Variants in DSCAM observed in about 807,000 individuals in gnomAD.
DSCAM encodes the protein DS cell adhesion molecule.
DSCAM carries 47 observed loss-of-function variants against 217.7 expected under a neutral mutation model. The observed-to-expected ratio is 0.22, with a 90% CI of 0.17 to 0.28. The LOEUF (loss-of-function observed/expected upper bound fraction) is 0.28. Among genes scored for constraint, DSCAM ranks in the 10% least tolerant of loss-of-function variants. The pLI is 1.00. For synonymous variants in DSCAM, 1,056 were observed against 1,015.3 expected, an observed-to-expected ratio of 1.04 and a Z score of -0.76; for missense variants, 2,080 against 2,618.3, an observed-to-expected ratio of 0.79 and a Z score of 4.49.
At chr21:40,077,927 G>A (rs904786521) in intron 26 of DSCAM, among the ~76,000 whole-genome samples, 1 of 152,170 alleles carries the variant, frequency 6.6e-6, no homozygotes, top group Non-Finnish European at 1.5e-5. Flanking sequence ...AGTGAGAAAT[G>A]AGCATCAGCC....
chr21:40,256,283 G>A (rs1415499845), intron 11 of DSCAM, among the ~76,000 whole-genome samples: 1 of 152,142 alleles, frequency 6.6e-6, no homozygotes. Context: ...TAGGCTGTGG[G>A]TGCTACAAGG....
At chr21:40,052,260 C>T (rs1006830907) in intron 29 of DSCAM, among the ~76,000 whole-genome samples, 153 bp from the exon 30 acceptor site, 3 of 152,142 alleles carry the variant, frequency 2.0e-5, no homozygotes, top group Non-Finnish European at 4.4e-5. Context: ...AAAATTCAAG[C>T]ACTGAATTAG....
intron 32 of DSCAM, among the ~76,000 whole-genome samples, chr21:40,028,678 G>A (rs952635663): frequency 3.9e-5 from 6 of 152,288 alleles, no homozygotes; most frequent in Admixed American, 6.5e-5. Context: ...TGTGCTTCCC[G>A]AGTGAGGCAA....
At chr21:40,450,527 C>G (rs1205810322) in intron 3 of DSCAM, among the ~76,000 whole-genome samples, 2 of 152,136 alleles carry the variant, frequency 1.3e-5, no homozygotes, top group Non-Finnish European at 2.9e-5. Context: ...GGATAAAGCC[C>G]TTGATTTAGG....
intron 2 of DSCAM, among the ~76,000 whole-genome samples, chr21:40,694,353 T>A (rs1198686119): frequency 6.6e-6 from 1 of 152,164 alleles, no homozygotes; most frequent in Non-Finnish European, 1.5e-5. Context: ...TGGACAAATA[T>A]GTGCCATGAA....
chr21:40,752,853 G>A (rs2091242167), intron 1 of DSCAM, among the ~76,000 whole-genome samples: 1 of 152,200 alleles, frequency 6.6e-6, no homozygotes, highest in South Asian at 2.1e-4. Flanking sequence ...GGAAAGGCAA[G>A]TGTTTTGTTC....
At chr21:40,760,970 C>A (rs2091327291) in intron 1 of DSCAM, among the ~76,000 whole-genome samples, 1 of 152,232 alleles carries the variant, frequency 6.6e-6, no homozygotes, top group African/African-American at 2.4e-5. Context: ...CTTATAATCA[C>A]AACATTCCCA....
intron 16 of DSCAM, among the ~76,000 whole-genome samples, chr21:40,154,152 C>T (rs1240071112): frequency 2.6e-5 from 4 of 151,548 alleles, no homozygotes; most frequent in African/African-American, 4.9e-5. Flanking sequence ...CCTTTCCTCT[C>T]CTCTCTCCTT....
At chr21:40,545,627 G>A (rs2076576097) in intron 3 of DSCAM, among the ~76,000 whole-genome samples, 1 of 152,050 alleles carries the variant, frequency 6.6e-6, no homozygotes, top group Non-Finnish European at 1.5e-5. Flanking sequence ...TCTAAAACAG[G>A]TGTCCTGGGA....
intron 32 of DSCAM, among the ~76,000 whole-genome samples, chr21:40,028,728 C>T (rs2088451117): frequency 6.6e-6 from 1 of 152,220 alleles, no homozygotes; most frequent in South Asian, 2.1e-4. Flanking sequence ...TGTGCGCACC[C>T]ACTGTCTGGC....
At chr21:40,815,715 A>T (rs1488086887) in intron 1 of DSCAM, among the ~76,000 whole-genome samples, 1 of 152,194 alleles carries the variant, frequency 6.6e-6, no homozygotes, top group African/African-American at 2.4e-5. Context: ...GATGGGAGAT[A>T]TGAGTTTAGG....
At chr21:40,332,866 G>A (rs970073110) in intron 8 of DSCAM, among the ~76,000 whole-genome samples, 2 of 152,174 alleles carry the variant, frequency 1.3e-5, no homozygotes, top group African/African-American at 4.8e-5. Flanking sequence ...ACTATTGCCA[G>A]GAAAAGACAT....
intron 20 of DSCAM, among the ~76,000 whole-genome samples, chr21:40,108,061 A>G (rs2089844355): frequency 1.3e-5 from 2 of 152,200 alleles, no homozygotes; most frequent in South Asian, 4.1e-4. Flanking sequence ...CATCATACTG[A>G]ATGGGCAAAA....
intron 1 of DSCAM, among the ~76,000 whole-genome samples, chr21:40,786,317 AAAGAAAGG>A (rs891261683): frequency 7.0e-4 from 107 of 152,160 alleles, no homozygotes; most frequent in African/African-American, 1.8e-3. Context: ...AAAGAGGGAG[AAAGAAAGG>A]AAGAAAGGAA....
chr21:40,114,199 T>A (rs888190313), intron 20 of DSCAM, among the ~76,000 whole-genome samples: 1 of 144,628 alleles, frequency 6.9e-6, no homozygotes, highest in African/African-American at 2.5e-5. Context: ...AGCATGGTAC[T>A]GGTACCAAAA....
At chr21:40,664,957 A>C (rs2090183839) in intron 3 of DSCAM, among the ~76,000 whole-genome samples, 1 of 152,086 alleles carries the variant, frequency 6.6e-6, no homozygotes, top group African/African-American at 2.4e-5. Flanking sequence ...CTGGTTGTTT[A>C]AGAGTCTGGA....
chr21:40,704,423 G>T (rs2090690366), intron 2 of DSCAM, among the ~76,000 whole-genome samples: 2 of 152,260 alleles, frequency 1.3e-5, no homozygotes, highest in East Asian at 3.9e-4. Context: ...TAATGTTAAA[G>T]AAAAATTGTA....
chr21:40,817,000 T>C (rs964078334), intron 1 of DSCAM, among the ~76,000 whole-genome samples: 4 of 152,200 alleles, frequency 2.6e-5, no homozygotes, highest in African/African-American at 9.6e-5. Flanking sequence ...AATCACGCCA[T>C]TCACCTCTTC....
chr21:40,840,776 G>A (rs1393975058), intron 1 of DSCAM, among the ~76,000 whole-genome samples: 1 of 152,116 alleles, frequency 6.6e-6, no homozygotes, highest in East Asian at 1.9e-4. Context: ...TGCAAGATAG[G>A]GACCAGGAGA....
Sources: allele counts gnomAD v4.1 joint callset (sites outside exome capture counted in the v4.1 genomes callset), GRCh38; gene constraint gnomAD v4.1.1; transcripts MANE v1.5; gene names NCBI Gene and HGNC (gene_info 2026-07-23, HGNC 2026-07-21).